The following OSBPL2 variants were observed in gnomAD, a reference collection of about 807,000 sequenced individuals.
OSBPL2 encodes oxysterol binding protein like 2.
In OSBPL2, 18 loss-of-function variants were observed where a neutral mutation model predicts 58.4. The ratio of observed to expected loss-of-function variants is 0.31; its 90% CI spans 0.21 to 0.46. OSBPL2 has a LOEUF of 0.46. Among genes scored for constraint, OSBPL2 ranks in the 20% least tolerant of loss-of-function variants. The pLI, the probability that OSBPL2 is intolerant of heterozygous loss-of-function variation, is 1.00. For synonymous variants in OSBPL2, 221 were observed against 234.1 expected (o/e 0.94, Z 0.51); for missense variants, 461 against 616.5 (o/e 0.75, Z 2.67).
chr20:62,265,734 G>T (rs1981620894), intron 4 of OSBPL2, among the ~76,000 whole-genome samples: 2 of 152,086 alleles, frequency 1.3e-5, no homozygotes, highest in South Asian at 4.2e-4. Flanking sequence ...GTACATTTTT[G>T]ACTATGTGGA....
At chr20:62,283,897 C>T (rs1982945888) in intron 9 of OSBPL2, 149 bp from the exon 10 acceptor site, 3 of 766,842 alleles carry the variant, frequency 3.9e-6, no homozygotes, top group Admixed American at 2.8e-5. Flanking sequence ...TCCCAGAATG[C>T]AAATTTTCAC....
At chr20:62,249,094 A>G (rs111534966) in intron 1 of OSBPL2, among the ~76,000 whole-genome samples, 2,930 of 152,316 alleles carry the variant, frequency 0.019, 87 homozygotes, top group African/African-American at 0.066. Context: ...GGACGGGGAC[A>G]GCACCTTTAA....
intron 12 of OSBPL2, among the ~76,000 whole-genome samples, chr20:62,290,419 T>G (rs1021839343): frequency 3.7e-5 from 5 of 135,638 alleles, no homozygotes; most frequent in African/African-American, 1.4e-4. Context: ...GGGTTTTTTT[T>G]TTTTTTTTTT....
Position 62,293,698 on chromosome 20 carries a change from G to A in OSBPL2, c.1341-87G>A, listed in dbSNP as rs1322394661. 2.6e-6 allele frequency: 3 copies of A among 1,156,542 alleles called. No individual in the cohort carries two copies. The African/African-American group carries it at 4.8e-5, about 18-fold the overall frequency. 71.6% of individuals were successfully genotyped at this position (1,156,542 alleles called of 1,614,324 possible). A position where few individuals can be genotyped will look rare whatever the true frequency, so the allele number is the denominator to read the frequency against. ...CACGTTACCGTGATGGTGCTGAGTT[G>A]GGGGAACACACTCCTGCACCCAGAA... On this transcript the variant is annotated intron_variant, in intron 13 of 13. Transcript: ENST00000313733.
chr20:62,253,273 G>A (rs1980689069), intron 1 of OSBPL2, among the ~76,000 whole-genome samples: 1 of 152,260 alleles, frequency 6.6e-6, no homozygotes, highest in African/African-American at 2.4e-5. Flanking sequence ...GCACAGCAGT[G>A]TGTGTAGGGA....
chr20:62,284,183 C>T lies in OSBPL2; in HGVS notation c.996+14C>T, dbSNP rs771770294. ...AAGGCCAAGCTGGTAAGGGCTGGGGCGTCCCCGGGCAGAGCTGAGCCCTGG... is the reference window on the plus strand; with the variant it reads ...AAGGCCAAGCTGGTAAGGGCTGGGGTGTCCCCGGGCAGAGCTGAGCCCTGG... On this transcript the variant is annotated intron_variant, in intron 10 of 13. Transcript: ENST00000313733. 6.2e-6 allele frequency: 10 copies of T among 1,613,768 alleles called. No homozygotes were observed. Among genetic ancestry groups the T allele is most frequent in the Middle Eastern group, 1.6e-4 (1 of 6,084 alleles).
chr20:62,289,257 C>G lies in OSBPL2; in HGVS notation c.1176C>G (p.Gly392=). 1 of 1,613,840 alleles carries G rather than the reference C, an allele frequency of 6.2e-7. No homozygotes were observed. Reference sequence around the variant, plus strand: ...TGAGCCTCAACGAGCTGGAGACAGGCATGGAGAAGACCCTGCCACCCACGG... The same window carrying G: ...TGAGCCTCAACGAGCTGGAGACAGGGATGGAGAAGACCCTGCCACCCACGG... ...FTVSLNELET[G]MEKTLPPTDC... The change falls in exon 12 of 14, where the codon GGC becomes GGG. Residue 392 remains glycine, a synonymous_variant. Coordinates refer to ENST00000313733, the MANE Select transcript of OSBPL2 (RefSeq NM_144498.4).
intron 3 of OSBPL2, among the ~76,000 whole-genome samples, chr20:62,261,419 C>A (rs1981297540): frequency 6.6e-6 from 1 of 152,104 alleles, no homozygotes; most frequent in South Asian, 2.1e-4. Context: ...CCAGGCACAG[C>A]CGCTAATGTG....
chr20:62,261,813 T>G (rs2145935514), intron 3 of OSBPL2, among the ~76,000 whole-genome samples: 1 of 152,326 alleles, frequency 6.6e-6, no homozygotes, highest in Admixed American at 6.5e-5. Context: ...TCGCCCAGGC[T>G]GGAGTTCAGT....
rs377131403 is a variant in OSBPL2, at chr20:62,273,293, C to G, written c.394-16C>G. On this transcript the variant is annotated splice_polypyrimidine_tract_variant and intron_variant, in intron 5 of 13. Coordinates refer to ENST00000313733, the MANE Select transcript of OSBPL2 (RefSeq NM_144498.4). ...TAACTGAAGCTGTGCCTGTCCCCCC[C>G]GTGGATTATTTACAGTCTGTGGCTG... The G allele has an allele frequency of 1.6e-5, 26 of 1,602,796 alleles. No homozygotes were observed. In the African/African-American group the frequency reaches 3.1e-4, roughly 19 times the overall value.
intron 11 of OSBPL2, among the ~76,000 whole-genome samples, 187 bp from the exon 12 acceptor site, chr20:62,289,020 A>G (rs371726216): frequency 1.3e-5 from 2 of 152,216 alleles, no homozygotes; most frequent in African/African-American, 4.8e-5. Flanking sequence ...GCCGCAGTGC[A>G]TGATACGTGC....
chr20:62,280,639 A>G (rs1042509285), intron 7 of OSBPL2, among the ~76,000 whole-genome samples: 2 of 152,302 alleles, frequency 1.3e-5, no homozygotes, highest in Admixed American at 6.5e-5. Flanking sequence ...TAAAGGAAAC[A>G]AGTATGTGGA....
intron 2 of OSBPL2, chr20:62,258,979 T>C (rs1411714431): frequency 6.6e-6 from 1 of 152,254 alleles, no homozygotes; most frequent in Non-Finnish European, 1.5e-5. Context: ...TGGACTCTGC[T>C]GTGTGGAGGG....
intron 6 of OSBPL2, among the ~76,000 whole-genome samples, chr20:62,274,667 G>T (rs1316735344): frequency 6.6e-6 from 1 of 152,242 alleles, no homozygotes; most frequent in Non-Finnish European, 1.5e-5. Context: ...TCACTCTTCT[G>T]ACTGTCAGTG....
intron 10 of OSBPL2, chr20:62,286,145 C>G: frequency 5.7e-6 from 1 of 175,654 alleles, no homozygotes; most frequent in Non-Finnish European, 1.2e-5. Context: ...ATTCTATTTT[C>G]TCCTTAGTTT....
intron 4 of OSBPL2, among the ~76,000 whole-genome samples, chr20:62,267,891 A>ATTTG (rs71692347): frequency 6.6e-6 from 1 of 150,426 alleles, no homozygotes. Context: ...TTTTTTATTT[A>ATTTG]TTTATTTTTT....
At position 62,293,942 on chromosome 20, in the gene OSBPL2, C is replaced by T. The variant is rs1983701345; in HGVS notation, c.*55C>T. The T allele has an allele frequency of 4.4e-6, 7 of 1,589,752 alleles. No individual in the cohort carries two copies. The highest frequency in any genetic ancestry group is 2.2e-5 in the East Asian group (1 of 44,518). ...GGAGGCTGACGAGGCTGGACTTCCT[C>T]GAGTGGCCACTGTGAGCCTCGTCAC... On this transcript the variant is annotated 3_prime_UTR_variant, in exon 14 of 14. Transcript: ENST00000313733.
At chr20:62,282,745 T>TGAGCCTGGGAGATGGAGGTTG (rs1319693878) in intron 9 of OSBPL2, among the ~76,000 whole-genome samples, 1 of 152,186 alleles carries the variant, frequency 6.6e-6, no homozygotes, top group African/African-American at 2.4e-5. Flanking sequence ...AAGAATCTCT[T>TGAGCCTGGGAGATGGAGGTTG]GAGCCTGGGA....
chr20:62,280,970 C>T (rs1302130764), intron 7 of OSBPL2, 88 bp from the exon 8 acceptor site: 1 of 1,047,840 alleles, frequency 9.5e-7, no homozygotes, highest in African/African-American at 1.6e-5. Flanking sequence ...GTTGCTGTGA[C>T]CCAGCCCCGC....
Sources: allele counts gnomAD v4.1 joint callset (sites outside exome capture counted in the v4.1 genomes callset), GRCh38; gene constraint gnomAD v4.1.1; transcripts MANE v1.5; gene names NCBI Gene and HGNC (gene_info 2026-07-23, HGNC 2026-07-21).